Variants in DFFB observed in about 807,000 individuals in gnomAD.
DFFB encodes DNA fragmentation factor subunit beta.
In DFFB, 29 loss-of-function variants were observed where a neutral mutation model predicts 32.7. The observed-to-expected ratio is 0.89, with a 90% confidence interval of 0.66 to 1.21. DFFB has a LOEUF of 1.21. DFFB is among the 50% of genes most tolerant of loss of function. DFFB has a pLI of 0.00. For missense variants in DFFB, 398 were observed against 440.6 expected (o/e 0.90, Z 0.87); for synonymous variants, 170 against 177.1 (o/e 0.96, Z 0.32).
intron 2 of DFFB, among the ~76,000 whole-genome samples, chr1:3,864,315 T>C (rs554281024): frequency 3.9e-5 from 6 of 152,210 alleles, no homozygotes; most frequent in Admixed American, 2.6e-4. Flanking sequence ...TGAATTATAT[T>C]TCAATAAAGC....
chr1:3,867,929 CT>C, intron 3 of DFFB, 44 bp from the exon 4 acceptor site: 2 of 1,590,898 alleles, frequency 1.3e-6, no homozygotes, highest in Non-Finnish European at 1.7e-6. Flanking sequence ...CCAGAGGCCC[CT>C]GGCCTGCCCT....
In DFFB at chr1:3,865,550, C is replaced by A. The variant is rs751774358; in HGVS notation, c.242-262C>A. The stretch of plus-strand genomic sequence containing the variant: ...GAGGGGAGGAGGCCAAATGGGAAAG[C>A]GGCCGTCTCTTGGTGCGCTTTCATC... On this transcript the variant is annotated intron_variant, in intron 2 of 6. Coordinates refer to ENST00000378209, the MANE Select transcript of DFFB (RefSeq NM_004402.4). This position sits in a 1 kb window ranked among gnomAD's most constrained non-coding sequence, Gnocchi z 4.7. The A allele has an allele frequency of 1.0e-5, 6 of 590,352 alleles. No homozygotes were observed. In the African/African-American group the frequency reaches 1.1e-4, roughly 11 times the overall value. 36.6% of individuals were successfully genotyped at this position (590,352 alleles called of 1,614,324 possible).
At chr1:3,872,651 C>CCCTGTCCCTGCCGCGGA in intron 6 of DFFB, 79 bp downstream of exon 6, 1 of 1,291,674 alleles carries the variant, frequency 7.7e-7, no homozygotes. Context: ...CCTGCCATGG[C>CCCTGTCCCTGCCGCGGA]CCTGTCCCTG....
At chr1:3,867,197 A>G (rs149248858) in intron 3 of DFFB, among the ~76,000 whole-genome samples, 77 of 152,254 alleles carry the variant, frequency 5.1e-4, no homozygotes, top group African/African-American at 1.8e-3. Flanking sequence ...CGTTCAGCCA[A>G]TTTCCTTCTT....
chr1:3,876,414 A>AT (rs1450457692), intron 6 of DFFB, among the ~76,000 whole-genome samples: 1 of 152,046 alleles, frequency 6.6e-6, no homozygotes, highest in Admixed American at 6.6e-5. Context: ...CTGCGGTTAT[A>AT]TTTTCTCTCA....
intron 6 of DFFB, among the ~76,000 whole-genome samples, chr1:3,879,651 G>C (rs559529852): frequency 6.6e-5 from 10 of 152,120 alleles, no homozygotes; most frequent in Non-Finnish European, 1.3e-4. Context: ...CAGCCTCCAG[G>C]ACTGTGAGAG....
At chr1:3,878,390 G>A (rs1645268741) in intron 6 of DFFB, among the ~76,000 whole-genome samples, 1 of 152,130 alleles carries the variant, frequency 6.6e-6, no homozygotes, top group South Asian at 2.1e-4. Flanking sequence ...GACCTCAAGT[G>A]ATCTGCCCAC....
Position 3,872,992 on chromosome 1 carries a change from T to C in DFFB, c.782+420T>C, listed in dbSNP as rs1329667596. 2.4e-6 allele frequency: 3 copies of C among 1,274,198 alleles called. 1 individual carries two copies. The highest frequency in any genetic ancestry group is 2.5e-5 in the South Asian group (2 of 78,588). The allele number at this position is 1,274,198 out of a possible 1,614,324, so 78.9% of individuals were successfully genotyped here. A position where few individuals can be genotyped will look rare whatever the true frequency, so the allele number is the denominator to read the frequency against. ...GTGTTATGATAGGTAAGGGTGTTTTTCCCTTTTTCTTTTTCTTTTAGAGAT... is the reference window on the plus strand; with the variant it reads ...GTGTTATGATAGGTAAGGGTGTTTTCCCCTTTTTCTTTTTCTTTTAGAGAT... On this transcript the variant is annotated intron_variant, in intron 6 of 6. Coordinates refer to ENST00000378209, the MANE Select transcript of DFFB (RefSeq NM_004402.4).
intron 3 of DFFB, chr1:3,867,754 G>A (rs1645013063): frequency 1.9e-6 from 1 of 536,090 alleles, no homozygotes; most frequent in Admixed American, 3.2e-5. Context: ...TTGGAAGTCT[G>A]AGGCAGGAGG....
chr1:3,874,736 T>C (rs71634380), intron 6 of DFFB, among the ~76,000 whole-genome samples: 15,587 of 140,118 alleles, frequency 0.11, 1,230 homozygotes, highest in South Asian at 0.13. Flanking sequence ...CATGCTGTGG[T>C]CTGCAGAGCC....
intron 6 of DFFB, among the ~76,000 whole-genome samples, chr1:3,876,180 C>T (rs1570936290): frequency 6.6e-6 from 1 of 152,336 alleles, no homozygotes; most frequent in African/African-American, 2.4e-5. Context: ...ACTCTTTTCT[C>T]TGCTGTTTGC....
intron 1 of DFFB, among the ~76,000 whole-genome samples, 192 bp downstream of exon 1, chr1:3,857,909 G>T (rs12740603): frequency 0.32 from 48,683 of 151,974 alleles, 8,572 homozygotes; most frequent in African/African-American, 0.47. Context: ...ACGCAGGGGG[G>T]TTGGGGGACG....
Position 3,857,508 on chromosome 1 carries a change from G to C in DFFB, c.-96G>C. 1.2e-6 allele frequency: 1 copy of C among 831,320 alleles called. No individual in the cohort carries two copies. The highest frequency in any genetic ancestry group is 1.8e-6 in the Non-Finnish European group (1 of 565,084). The allele number at this position is 831,320 out of a possible 1,614,324, so 51.5% of individuals were successfully genotyped here. ...CTGTGCCAGCTTGCAGAGCTCACCAGGTGCAGACCCCTGCGGCCAGGGCGA... is the reference window on the plus strand; with the variant it reads ...CTGTGCCAGCTTGCAGAGCTCACCACGTGCAGACCCCTGCGGCCAGGGCGA... On this transcript the variant is annotated 5_prime_UTR_variant, in exon 1 of 7. Coordinates refer to ENST00000378209, the MANE Select transcript of DFFB (RefSeq NM_004402.4).
intron 6 of DFFB, among the ~76,000 whole-genome samples, chr1:3,877,973 C>T (rs1384265498): frequency 3.9e-5 from 6 of 152,062 alleles, no homozygotes; most frequent in Admixed American, 3.3e-4. Flanking sequence ...AACAGCCTTT[C>T]GTCTTCATCT....
Position 3,857,502 on chromosome 1 carries a change from T to C in DFFB, c.-102T>C. The C allele has an allele frequency of 1.3e-6, 1 of 761,030 alleles. No homozygotes were observed. Among genetic ancestry groups the C allele is most frequent in the Non-Finnish European group, 2.0e-6 (1 of 504,770 alleles). 47.1% of individuals were successfully genotyped at this position (761,030 alleles called of 1,614,324 possible). ...CCCGGCCTGTGCCAGCTTGCAGAGC[T>C]CACCAGGTGCAGACCCCTGCGGCCA... is the stretch of plus-strand genomic sequence containing the variant. On this transcript the variant is annotated 5_prime_UTR_variant, in exon 1 of 7. Coordinates refer to ENST00000378209, the MANE Select transcript of DFFB (RefSeq NM_004402.4).
At chr1:3,859,646 G>A (rs753164753) in intron 2 of DFFB, among the ~76,000 whole-genome samples, 5 of 152,170 alleles carry the variant, frequency 3.3e-5, no homozygotes, top group African/African-American at 4.8e-5. Flanking sequence ...CCACCTCCCC[G>A]GCTACAGTGT....
At chr1:3,875,237 T>C (rs1283106239) in intron 6 of DFFB, among the ~76,000 whole-genome samples, 1 of 152,232 alleles carries the variant, frequency 6.6e-6, no homozygotes, top group Non-Finnish European at 1.5e-5. Flanking sequence ...AATGAACCCA[T>C]ATGGTCTGGT....
In DFFB at chr1:3,883,600, G is replaced by A. The variant is rs773716256; in HGVS notation, c.876G>A (p.Leu292=). The A allele has an allele frequency of 1.9e-6, 3 of 1,614,018 alleles. No homozygotes were observed. Among genetic ancestry groups the A allele is most frequent in the East Asian group, 4.5e-5 (2 of 44,892 alleles). Residue 292 remains leucine, a synonymous_variant, in exon 7 of 7, where the codon CTG becomes CTA. Transcript: ENST00000378209. ...TGGACTGGGAGTATTTTTATGGCCT[G>A]CTTTTTACCTCAGAGAACCTAAAAC... The part of the protein sequence containing the change: ...REVDWEYFYG[L]LFTSENLKLV...
At chr1:3,858,430 G>A (rs1644803761) in intron 1 of DFFB, among the ~76,000 whole-genome samples, 1 of 152,204 alleles carries the variant, frequency 6.6e-6, no homozygotes, top group African/African-American at 2.4e-5. Context: ...GGCTCTATTT[G>A]AAGCGCCCTC....
Sources: allele counts gnomAD v4.1 joint callset (sites outside exome capture counted in the v4.1 genomes callset), GRCh38; gene constraint gnomAD v4.1.1; non-coding constraint Gnocchi (gnomAD v3.1); transcripts MANE v1.5; gene names NCBI Gene and HGNC (gene_info 2026-07-23, HGNC 2026-07-21).